KANK1: variants seen among roughly 807,000 people sequenced by gnomAD.
KANK1 encodes the protein KN motif and ankyrin repeat domains 1.
KANK1 carries 109 observed loss-of-function variants against 106.2 expected under a neutral mutation model. The observed-to-expected ratio is 1.03, with a 90% CI of 0.88 to 1.20. The LOEUF (loss-of-function observed/expected upper bound fraction) is 1.20. KANK1 is among the 50% of genes most tolerant of loss of function. The pLI, the probability that KANK1 is intolerant of heterozygous loss-of-function variation, is 0.00. For missense variants in KANK1, 2,399 were observed against 1,710.7 expected, an observed-to-expected ratio of 1.40 and a Z score of -7.10; for synonymous variants, 873 against 652.2, an observed-to-expected ratio of 1.34 and a Z score of -5.16.
chr9:592,023 G>A (rs1426034276), intron 1 of KANK1, among the ~76,000 whole-genome samples: 1 of 151,662 alleles, frequency 6.6e-6, no homozygotes, highest in Non-Finnish European at 1.5e-5. Context: ...AACACCATAG[G>A]GGCAGGGACC....
At chr9:608,812 G>T (rs574911742) in intron 1 of KANK1, among the ~76,000 whole-genome samples, 142 of 152,346 alleles carry the variant, frequency 9.3e-4, no homozygotes, top group African/African-American at 3.1e-3. Context: ...TGATGGTCCA[G>T]AGTGTTTCCA....
intron 3 of KANK1, among the ~76,000 whole-genome samples, chr9:725,272 C>G (rs974409074): frequency 1.1e-4 from 17 of 152,052 alleles, no homozygotes; most frequent in Admixed American, 7.9e-4. Context: ...TAGGTGATAT[C>G]CCTTGAGGTC....
intron 3 of KANK1, chr9:492,200 A>T (rs140254953): frequency 6.6e-6 from 1 of 152,376 alleles, no homozygotes; most frequent in East Asian, 1.9e-4. Context: ...ACAGAACTCC[A>T]CAAACCTAAC....
At chr9:632,899 T>G (rs79491148) in intron 1 of KANK1, among the ~76,000 whole-genome samples, 22,430 of 151,980 alleles carry the variant, frequency 0.15, 1,802 homozygotes, top group Admixed American at 0.17. Context: ...TCGCCATGTT[T>G]GCCAGGCTGG....
At chr9:655,694 T>A (rs1461797840) in intron 1 of KANK1, among the ~76,000 whole-genome samples, 2 of 152,182 alleles carry the variant, frequency 1.3e-5, no homozygotes, top group African/African-American at 4.8e-5. Flanking sequence ...AACACACAGT[T>A]TTTATATATT....
chr9:583,111 G>T (rs148007773), intron 1 of KANK1, among the ~76,000 whole-genome samples: 299 of 152,288 alleles, frequency 2.0e-3, no homozygotes, highest in African/African-American at 6.7e-3. Context: ...GTTTGTGGCT[G>T]GCAGAAATGG....
rs1448908535 is a variant in KANK1 at position 745,712 on chromosome 9, T to G, written c.*477T>G. 1 of 152,596 alleles carries G rather than the reference T, an allele frequency of 6.6e-6. No individual in the cohort carries two copies. The highest frequency in any genetic ancestry group is 2.4e-5 in the African/African-American group (1 of 41,478). 9.5% of individuals were successfully genotyped at this position (152,596 alleles called of 1,614,324 possible). On this transcript the variant is annotated 3_prime_UTR_variant, in exon 12 of 12. Transcript: ENST00000382297. ...AGGAAGTCGAGATGACTTTGATCAT[T>G]GGTAACTTGGGCCTGGGCCAGACAA...
chr9:529,491 G>C (rs1002696039), intron 1 of KANK1, among the ~76,000 whole-genome samples: 27 of 89,472 alleles, frequency 3.0e-4, no homozygotes, highest in African/African-American at 1.2e-3. Flanking sequence ...GAGCCACCGC[G>C]CCCGGCCTCA....
chr9:581,848 A>G (rs910046033), intron 1 of KANK1, among the ~76,000 whole-genome samples: 3 of 152,128 alleles, frequency 2.0e-5, no homozygotes, highest in South Asian at 2.1e-4. Flanking sequence ...GCATCCAGCC[A>G]TCCTCCTGGG....
intron 1 of KANK1, chr9:660,316 A>G (rs1843014626): frequency 4.5e-6 from 1 of 220,490 alleles, no homozygotes; most frequent in Admixed American, 4.2e-5. Context: ...CTAAATGTTC[A>G]TGGGTTTTAA....
At chr9:473,620 T>A (rs1428004473) in intron 3 of KANK1, among the ~76,000 whole-genome samples, 1 of 152,318 alleles carries the variant, frequency 6.6e-6, no homozygotes, top group African/African-American at 2.4e-5. Context: ...TTTTAGTGTA[T>A]ATCATCCCCC....
intron 1 of KANK1, among the ~76,000 whole-genome samples, chr9:562,995 G>T (rs1172604340): frequency 1.3e-5 from 2 of 152,146 alleles, no homozygotes; most frequent in African/African-American, 4.8e-5. Flanking sequence ...TACAAGCAGG[G>T]AAGCAGATCC....
intron 1 of KANK1, among the ~76,000 whole-genome samples, chr9:547,639 T>C (rs958733734): frequency 6.6e-6 from 1 of 151,578 alleles, no homozygotes; most frequent in African/African-American, 2.4e-5. Flanking sequence ...CCTCTTTCTA[T>C]TAAATTGTCT....
intron 1 of KANK1, among the ~76,000 whole-genome samples, chr9:564,145 C>T (rs1817216278): frequency 6.6e-6 from 1 of 151,710 alleles, no homozygotes; most frequent in Non-Finnish European, 1.5e-5. Context: ...CTGCAAGCTC[C>T]GCCTCCCGGG....
chr9:591,892 C>T (rs955178260), intron 1 of KANK1, among the ~76,000 whole-genome samples: 1 of 151,716 alleles, frequency 6.6e-6, no homozygotes, highest in African/African-American at 2.4e-5. Context: ...CTCCTGACCT[C>T]AGGTGATCCA....
At chr9:568,909 A>G (rs866916759) in intron 1 of KANK1, among the ~76,000 whole-genome samples, 2 of 152,318 alleles carry the variant, frequency 1.3e-5, no homozygotes, top group South Asian at 4.2e-4. Context: ...TGCCAAATTT[A>G]TATCTTTTAA....
chr9:480,105 T>A (rs2058178066), intron 3 of KANK1, among the ~76,000 whole-genome samples: 1 of 152,208 alleles, frequency 6.6e-6, no homozygotes, highest in South Asian at 2.1e-4. Context: ...TGGTAAATAA[T>A]TGCCGGAGTT....
intron 1 of KANK1, among the ~76,000 whole-genome samples, chr9:619,453 G>T (rs1832631825): frequency 6.6e-6 from 1 of 152,154 alleles, no homozygotes; most frequent in East Asian, 1.9e-4. Context: ...GATTTGGGTG[G>T]CCCAGTTGCT....
intron 1 of KANK1, among the ~76,000 whole-genome samples, chr9:545,225 G>T (rs1256079035): frequency 6.6e-6 from 1 of 152,098 alleles, no homozygotes; most frequent in Non-Finnish European, 1.5e-5. Context: ...CCAGTGCCCA[G>T]ACTTCTGGGA....
Sources: gnomAD v4.1 joint callset for allele counts (sites outside exome capture counted in the v4.1 genomes callset) on GRCh38, gnomAD v4.1.1 for gene constraint, MANE v1.5 for transcripts, NCBI Gene and HGNC (gene_info 2026-07-23, HGNC 2026-07-21) for gene names.